Variants in PCDH15 observed in about 807,000 individuals in gnomAD.
PCDH15 encodes the protein protocadherin-15.
A neutral mutation model predicts 178.5 loss-of-function variants in PCDH15; 129 were observed. That is an observed-to-expected ratio of 0.72 (90% CI 0.63 to 0.84). The LOEUF (loss-of-function observed/expected upper bound fraction) is 0.84. PCDH15 is among the 40% of genes least tolerant of loss of function. The probability of loss-of-function intolerance (pLI) is 0.00; values close to 1 mark genes in which losing one functional copy is unlikely to be tolerated. For synonymous variants in PCDH15, 800 were observed against 732.0 expected (o/e 1.09, Z -1.50); for missense variants, 2,230 against 2,099.9 (o/e 1.06, Z -1.21).
intron 2 of PCDH15, among the ~76,000 whole-genome samples, chr10:55,033,408 T>G (rs1840659117): frequency 6.6e-6 from 1 of 152,128 alleles, no homozygotes; most frequent in African/African-American, 2.4e-5. Context: ...CTTACCCCAG[T>G]GTGTCCAGGA....
At chr10:54,680,016 A>G (rs536120259) in intron 1 of PCDH15, among the ~76,000 whole-genome samples, 14 of 152,346 alleles carry the variant, frequency 9.2e-5, no homozygotes, top group African/African-American at 3.4e-4. Context: ...CCAAGATAAA[A>G]TATAACTAAT....
In PCDH15 at chr10:54,154,627, A is replaced by G. The variant is rs79162634; in HGVS notation, c.1591-1334T>C. On this transcript the variant is annotated intron_variant, in intron 13 of 37. Coordinates refer to ENST00000644397, the MANE Select transcript of PCDH15 (RefSeq NM_001384140.1). Reference sequence around the variant, plus strand: ...TCAATAAATGTAAACAAAGTACTTTATACACTGTACTGTGCTGAAGGGGTT... The same window carrying G: ...TCAATAAATGTAAACAAAGTACTTTGTACACTGTACTGTGCTGAAGGGGTT... Among the ~76,000 whole-genome samples, 1,054 of 152,316 alleles carry G rather than the reference A, an allele frequency of 6.9e-3. 9 individuals carry two copies. Among genetic ancestry groups the G allele is most frequent in the African/African-American group, 0.024 (1,009 of 41,578 alleles).
At chr10:54,779,392 CTCTA>C (rs1484710825) in intron 1 of PCDH15, among the ~76,000 whole-genome samples, 3 of 94,992 alleles carry the variant, frequency 3.2e-5, no homozygotes, top group African/African-American at 1.0e-4. Context: ...GTCTCTCTCT[CTCTA>C]TATATATATG....
At chr10:55,372,455 G>A (rs1845529038) in intron 2 of PCDH15, among the ~76,000 whole-genome samples, 1 of 151,930 alleles carries the variant, frequency 6.6e-6, no homozygotes, top group Non-Finnish European at 1.5e-5. Context: ...AAAAACCAAA[G>A]GATATCTTCA....
intron 1 of PCDH15, among the ~76,000 whole-genome samples, chr10:55,198,510 G>A (rs537281705): frequency 3.3e-5 from 5 of 151,996 alleles, no homozygotes; most frequent in South Asian, 2.1e-4. Context: ...TTTTTGAGAC[G>A]GAGTCTCGCC....
At chr10:53,971,400 C>A (rs1160656144) in intron 21 of PCDH15, among the ~76,000 whole-genome samples, 1 of 152,140 alleles carries the variant, frequency 6.6e-6, no homozygotes, top group African/African-American at 2.4e-5. Context: ...CCCTATCTCA[C>A]CACTCTTATT....
At chr10:54,151,602 A>G (rs1029056033) in intron 14 of PCDH15, among the ~76,000 whole-genome samples, 1 of 152,148 alleles carries the variant, frequency 6.6e-6, no homozygotes, top group Non-Finnish European at 1.5e-5. Context: ...GTAGAAATAG[A>G]TCAAGTAAGA....
chr10:55,075,227 A>G (rs1841853814), intron 2 of PCDH15, among the ~76,000 whole-genome samples: 4 of 152,100 alleles, frequency 2.6e-5, no homozygotes. Flanking sequence ...GGTTATGAGA[A>G]TATGGTGTTC....
chr10:53,943,197 T>C (rs939831848), intron 23 of PCDH15, among the ~76,000 whole-genome samples: 2 of 151,966 alleles, frequency 1.3e-5, no homozygotes, highest in South Asian at 2.1e-4. Context: ...ATGAGAAAAA[T>C]GCTATGTCGG....
intron 1 of PCDH15, among the ~76,000 whole-genome samples, chr10:55,208,943 T>C (rs1444343722): frequency 6.6e-6 from 1 of 152,068 alleles, no homozygotes; most frequent in East Asian, 1.9e-4. Flanking sequence ...ATGAACTAAA[T>C]TAAAATTACA....
intron 2 of PCDH15, among the ~76,000 whole-genome samples, chr10:55,464,021 GAAAGAAAGAAAGAAA>G (rs1839769172): frequency 8.9e-6 from 1 of 112,520 alleles, no homozygotes; most frequent in Admixed American, 9.5e-5. Flanking sequence ...AAGAAAGAAA[GAAAGAAAGAAAGAAA>G]GAAAGAAAGA....
intron 22 of PCDH15, among the ~76,000 whole-genome samples, chr10:53,960,478 G>T (rs965091963): frequency 6.6e-6 from 1 of 152,170 alleles, no homozygotes; most frequent in Non-Finnish European, 1.5e-5. Context: ...AAAAGCTTTA[G>T]TGTTGAGATG....
intron 3 of PCDH15, among the ~76,000 whole-genome samples, chr10:54,447,765 G>A (rs1857136): frequency 0.56 from 84,829 of 151,500 alleles, 25,363 homozygotes; most frequent in Admixed American, 0.7. Flanking sequence ...AGTCTTCTAG[G>A]CTTGAATTCT....
intron 1 of PCDH15, among the ~76,000 whole-genome samples, chr10:55,207,246 C>A (rs1840427582): frequency 6.6e-6 from 1 of 152,010 alleles, no homozygotes; most frequent in African/African-American, 2.4e-5. Flanking sequence ...TATTCCATAT[C>A]AATATGGAAC....
At chr10:55,037,349 T>A (rs564974450) in intron 2 of PCDH15, among the ~76,000 whole-genome samples, 3 of 152,196 alleles carry the variant, frequency 2.0e-5, no homozygotes, top group African/African-American at 7.2e-5. Flanking sequence ...TTCTCCTGCC[T>A]CAGCCTCCCA....
intron 1 of PCDH15, among the ~76,000 whole-genome samples, chr10:54,702,060 G>A (rs1027274853): frequency 6.6e-6 from 1 of 151,760 alleles, no homozygotes; most frequent in Admixed American, 6.6e-5. Context: ...TCACCCATAA[G>A]ACAATCCTCA....
At chr10:55,143,722 A>T (rs188207798) in intron 2 of PCDH15, among the ~76,000 whole-genome samples, 1 of 152,206 alleles carries the variant, frequency 6.6e-6, no homozygotes, top group East Asian at 1.9e-4. Context: ...GAGTCCCCTG[A>T]CTTGAATTAA....
At chr10:54,649,074 C>G (rs1048813808) in intron 2 of PCDH15, among the ~76,000 whole-genome samples, 3 of 152,110 alleles carry the variant, frequency 2.0e-5, no homozygotes, top group Admixed American at 2.0e-4. Context: ...TAGGATCTTA[C>G]AAGAGTAGGG....
At chr10:55,226,359 G>A (rs1446625074) in intron 1 of PCDH15, among the ~76,000 whole-genome samples, 1 of 151,466 alleles carries the variant, frequency 6.6e-6, no homozygotes, top group Non-Finnish European at 1.5e-5. Flanking sequence ...TTTTTGTTTT[G>A]TTTTGTTTTT....
Sources: gnomAD v4.1 joint callset for allele counts (sites outside exome capture counted in the v4.1 genomes callset) on GRCh38, gnomAD v4.1.1 for gene constraint, MANE v1.5 for transcripts, NCBI Gene and HGNC (gene_info 2026-07-23, HGNC 2026-07-21) for gene names.